The following CRY1 variants were observed in gnomAD, a reference collection of about 807,000 sequenced individuals.
The protein encoded by CRY1 is cryptochrome circadian regulator 1, also known as cryptochrome-1.
Under a neutral mutation model 76.0 loss-of-function variants are expected in CRY1, and 45 were observed. The observed-to-expected ratio is 0.59, with a 90% CI of 0.47 to 0.76. The LOEUF (loss-of-function observed/expected upper bound fraction) is 0.76, where lower values mean the gene tolerates loss of function less well. Among genes scored for constraint, CRY1 ranks in the 30% least tolerant of loss-of-function variants. The probability of loss-of-function intolerance (pLI) is 0.00; values close to 1 mark genes in which losing one functional copy is unlikely to be tolerated. For synonymous variants in CRY1, 248 were observed against 244.0 expected, an observed-to-expected ratio of 1.02 and a Z score of -0.15; for missense variants, 587 against 716.4, an observed-to-expected ratio of 0.82 and a Z score of 2.06.
intron 10 of CRY1, among the ~76,000 whole-genome samples, chr12:106,993,752 T>C (rs1952203514): frequency 6.6e-6 from 1 of 152,098 alleles, no homozygotes; most frequent in Non-Finnish European, 1.5e-5. Context: ...TTGCTCACCC[T>C]AAGTGAGTAT....
At chr12:107,066,499 A>G (rs1251133839) in intron 1 of CRY1, among the ~76,000 whole-genome samples, 2 of 152,184 alleles carry the variant, frequency 1.3e-5, no homozygotes, top group South Asian at 4.1e-4. Context: ...TTTGACACCC[A>G]GGCTGGAGTG....
chr12:107,004,822 C>T (rs1447909080), intron 3 of CRY1, among the ~76,000 whole-genome samples: 1 of 152,080 alleles, frequency 6.6e-6, no homozygotes, highest in African/African-American at 2.4e-5. Flanking sequence ...TAAGAGTAGT[C>T]AAGGAAAATT....
At chr12:107,054,509 A>G (rs1006787263) in intron 1 of CRY1, among the ~76,000 whole-genome samples, 8 of 151,880 alleles carry the variant, frequency 5.3e-5, no homozygotes, top group East Asian at 1.9e-4. Context: ...TAATATGACA[A>G]TAAATCCAAA....
intron 1 of CRY1, among the ~76,000 whole-genome samples, chr12:107,084,921 C>T (rs1953377714): frequency 6.6e-6 from 1 of 150,526 alleles, no homozygotes; most frequent in South Asian, 2.1e-4. Context: ...GCAATCTATC[C>T]ATCTGACAAA....
intron 1 of CRY1, among the ~76,000 whole-genome samples, chr12:107,055,671 G>T (rs1952974410): frequency 6.6e-6 from 1 of 152,062 alleles, no homozygotes; most frequent in Non-Finnish European, 1.5e-5. Context: ...AACCTCTGAT[G>T]AAATGTATCA....
At position 106,995,818 on chromosome 12, in the gene CRY1, C is replaced by A. The variant is rs148583648; in HGVS notation, c.1585+1476G>T. ...CTAATGCTCTCCCTGCCCCTGCCCC[C>A]CCAACAGACCCCAGCATGTGTGTTT... On this transcript the variant is annotated intron_variant, in intron 10 of 12. Transcript: ENST00000008527. Among the ~76,000 whole-genome samples the A allele has an allele frequency of 4.7e-3, 708 of 152,130 alleles. 7 individuals are homozygous for A. Among genetic ancestry groups the A allele is most frequent in the African/African-American group, 0.016 (668 of 41,496 alleles).
At chr12:107,006,577 C>T (rs1205310518) in intron 2 of CRY1, among the ~76,000 whole-genome samples, 1 of 151,442 alleles carries the variant, frequency 6.6e-6, no homozygotes, top group East Asian at 1.9e-4. Flanking sequence ...ATTTATATTC[C>T]CATCAGCAGT....
chr12:107,078,929 C>T lies in CRY1; in HGVS notation c.158+13875G>A, dbSNP rs114639051. ...TCTTATATCTTCCCCTTCCTCATAGCCTTTCCCCTTGTTTAAGCCTGTATT... is the reference window on the plus strand; with the variant it reads ...TCTTATATCTTCCCCTTCCTCATAGTCTTTCCCCTTGTTTAAGCCTGTATT... On this transcript the variant is annotated intron_variant, in intron 1 of 12. Transcript: ENST00000008527. Among the ~76,000 whole-genome samples, 1,058 of 152,250 alleles carry T rather than the reference C, an allele frequency of 6.9e-3. 19 individuals are homozygous for T. Among genetic ancestry groups the T allele is most frequent in the African/African-American group, 0.024 (1,015 of 41,568 alleles).
At chr12:106,994,662 A>T (rs1215434531) in intron 10 of CRY1, among the ~76,000 whole-genome samples, 1 of 152,256 alleles carries the variant, frequency 6.6e-6, no homozygotes, top group Admixed American at 6.5e-5. Context: ...TGCTACTATG[A>T]TTAGCTTTTG....
chr12:107,084,254 C>T (rs1953365547), intron 1 of CRY1, among the ~76,000 whole-genome samples: 1 of 152,158 alleles, frequency 6.6e-6, no homozygotes, highest in Non-Finnish European at 1.5e-5. Flanking sequence ...GGCCATACTG[C>T]CCAAAGTAAT....
intron 1 of CRY1, among the ~76,000 whole-genome samples, chr12:107,045,934 A>G (rs564652002): frequency 6.6e-6 from 1 of 152,202 alleles, no homozygotes; most frequent in East Asian, 1.9e-4. Context: ...TGTTGTCCAC[A>G]TGTACCCTAG....
chr12:106,992,148 G>C (rs1241410569), intron 12 of CRY1, 147 bp from the exon 13 acceptor site: 1 of 152,094 alleles, frequency 6.6e-6, no homozygotes, highest in Non-Finnish European at 1.5e-5. Context: ...AATAAAAAAT[G>C]TAAACAGTGT....
chr12:107,024,772 AT>A (rs1952590228), intron 1 of CRY1, among the ~76,000 whole-genome samples: 1 of 152,202 alleles, frequency 6.6e-6, no homozygotes, highest in Non-Finnish European at 1.5e-5. Flanking sequence ...CTAAGAATTA[AT>A]TTTGTTTTGG....
chr12:107,012,815 A>G (rs1194710121), intron 2 of CRY1, among the ~76,000 whole-genome samples: 1 of 152,332 alleles, frequency 6.6e-6, no homozygotes, highest in Non-Finnish European at 1.5e-5. Flanking sequence ...TCCAGTCCTC[A>G]TGGATGACTC....
chr12:107,064,758 G>A (rs1462281683), intron 1 of CRY1, among the ~76,000 whole-genome samples: 2 of 152,154 alleles, frequency 1.3e-5, no homozygotes, highest in Non-Finnish European at 2.9e-5. Context: ...AAAAAGACAG[G>A]AGAGTCAAAA....
intron 2 of CRY1, among the ~76,000 whole-genome samples, chr12:107,018,419 T>C (rs761205762): frequency 6.6e-6 from 1 of 152,086 alleles, no homozygotes; most frequent in African/African-American, 2.4e-5. Flanking sequence ...AAACCCTTTC[T>C]CTGCTAAAAA....
intron 1 of CRY1, among the ~76,000 whole-genome samples, chr12:107,069,347 C>T (rs1458444566): frequency 1.3e-5 from 2 of 151,200 alleles, no homozygotes; most frequent in East Asian, 3.9e-4. Context: ...GCCTCAGCCT[C>T]CCGAGTAGCT....
chr12:107,045,484 C>G (rs545098823), intron 1 of CRY1, among the ~76,000 whole-genome samples: 1 of 152,244 alleles, frequency 6.6e-6, no homozygotes, highest in East Asian at 1.9e-4. Flanking sequence ...GTGGCGAAAC[C>G]CTGTCTCTAC....
At chr12:107,075,089 A>C (rs1953236408) in intron 1 of CRY1, among the ~76,000 whole-genome samples, 1 of 152,168 alleles carries the variant, frequency 6.6e-6, no homozygotes, top group Non-Finnish European at 1.5e-5. Flanking sequence ...ACAAATAACC[A>C]AATGCCTTCT....
Sources: gnomAD v4.1 joint callset for allele counts (sites outside exome capture counted in the v4.1 genomes callset) on GRCh38, gnomAD v4.1.1 for gene constraint, MANE v1.5 for transcripts, NCBI Gene and HGNC (gene_info 2026-07-23, HGNC 2026-07-21) for gene names.